GALNTL6: variants seen among roughly 807,000 people sequenced by gnomAD.
GALNTL6 encodes the protein polypeptide N-acetylgalactosaminyltransferase like 6.
A neutral mutation model predicts 73.7 loss-of-function variants in GALNTL6; 46 were observed. The observed-to-expected ratio is 0.62, with a 90% CI of 0.49 to 0.80. The LOEUF is 0.80. GALNTL6 is among the 30% of genes least tolerant of loss of function. GALNTL6 has a pLI of 0.00. For missense variants in GALNTL6, 604 were observed against 755.0 expected, an observed-to-expected ratio of 0.80 and a Z score of 2.34; for synonymous variants, 259 against 263.7, an observed-to-expected ratio of 0.98 and a Z score of 0.17.
At chr4:172,126,577 G>T (rs1733300467) in intron 2 of GALNTL6, among the ~76,000 whole-genome samples, 2 of 152,120 alleles carry the variant, frequency 1.3e-5, no homozygotes, top group African/African-American at 2.4e-5. Flanking sequence ...GTGGGCAAAG[G>T]GTAAGTGAGT....
At chr4:172,218,754 C>G (rs1736576541) in intron 2 of GALNTL6, among the ~76,000 whole-genome samples, 1 of 151,838 alleles carries the variant, frequency 6.6e-6, no homozygotes, top group Non-Finnish European at 1.5e-5. Context: ...ATTTTTTATA[C>G]TTTATTTCTA....
chr4:172,784,029 A>G (rs2110906658), intron 5 of GALNTL6, among the ~76,000 whole-genome samples: 1 of 152,232 alleles, frequency 6.6e-6, no homozygotes, highest in South Asian at 2.1e-4. Flanking sequence ...GTTGTCATAA[A>G]TCTGTCCTTA....
intron 7 of GALNTL6, among the ~76,000 whole-genome samples, chr4:172,864,962 C>G (rs1244985618): frequency 6.6e-6 from 1 of 152,068 alleles, no homozygotes; most frequent in Non-Finnish European, 1.5e-5. Context: ...GTCACTGTTA[C>G]AATTATAGTT....
chr4:172,044,930 T>C (rs1742177688), intron 2 of GALNTL6, among the ~76,000 whole-genome samples: 1 of 152,046 alleles, frequency 6.6e-6, no homozygotes, highest in Non-Finnish European at 1.5e-5. Flanking sequence ...TACAATATAT[T>C]TCAGTGGGTG....
chr4:172,651,426 A>G (rs1439784558), intron 5 of GALNTL6, among the ~76,000 whole-genome samples: 1 of 152,168 alleles, frequency 6.6e-6, no homozygotes, highest in Non-Finnish European at 1.5e-5. Flanking sequence ...GAAGGCAGGG[A>G]TTTTGCTCTG....
chr4:171,946,469 G>C (rs144160601), intron 2 of GALNTL6, among the ~76,000 whole-genome samples: 2 of 152,224 alleles, frequency 1.3e-5, no homozygotes, highest in East Asian at 3.9e-4. Context: ...GTTCACATCA[G>C]AAGACATAAA....
chr4:172,011,276 GAA>G (rs1740997307), intron 2 of GALNTL6, among the ~76,000 whole-genome samples: 1 of 152,074 alleles, frequency 6.6e-6, no homozygotes, highest in South Asian at 2.1e-4. Flanking sequence ...TCTGGAGACT[GAA>G]ATTTGCGGAG....
intron 3 of GALNTL6, among the ~76,000 whole-genome samples, chr4:172,277,016 A>G (rs768571388): frequency 1.3e-5 from 2 of 151,946 alleles, no homozygotes; most frequent in Non-Finnish European, 2.9e-5. Context: ...TTATATTGAC[A>G]TACTTGGATT....
At chr4:172,434,711 A>C (rs562234733) in intron 5 of GALNTL6, among the ~76,000 whole-genome samples, 43 of 152,276 alleles carry the variant, frequency 2.8e-4, no homozygotes, top group Non-Finnish European at 5.4e-4. Flanking sequence ...TGGTAATGGC[A>C]ATCACAAAGA....
chr4:172,912,807 A>C (rs1403109289), intron 8 of GALNTL6, among the ~76,000 whole-genome samples: 2 of 152,194 alleles, frequency 1.3e-5, no homozygotes, highest in Non-Finnish European at 2.9e-5. Context: ...AGCTGAACAA[A>C]AGGCAGCAGA....
chr4:172,006,614 C>A (rs1291635938), intron 2 of GALNTL6, among the ~76,000 whole-genome samples: 1 of 151,620 alleles, frequency 6.6e-6, no homozygotes, highest in Admixed American at 6.6e-5. Flanking sequence ...CAGAGTGAGA[C>A]CCTGTCCAAA....
At chr4:172,748,853 T>TA (rs1482852994) in intron 5 of GALNTL6, among the ~76,000 whole-genome samples, 8 of 152,190 alleles carry the variant, frequency 5.3e-5, no homozygotes, top group Non-Finnish European at 7.3e-5. Flanking sequence ...ACAGGTATTG[T>TA]ACTGCATGCA....
intron 3 of GALNTL6, among the ~76,000 whole-genome samples, chr4:172,255,694 G>A (rs1050200552): frequency 1.6e-4 from 24 of 151,384 alleles, no homozygotes; most frequent in African/African-American, 5.8e-4. Context: ...AACCTTAGCA[G>A]TGAGTCAATC....
intron 5 of GALNTL6, among the ~76,000 whole-genome samples, chr4:172,683,787 G>A (rs908623440): frequency 2.6e-5 from 4 of 152,122 alleles, no homozygotes; most frequent in African/African-American, 9.7e-5. Context: ...AGCAGACGGA[G>A]TTATTTTTCC....
chr4:171,918,281 A>T (rs1021425254), intron 2 of GALNTL6, among the ~76,000 whole-genome samples: 7 of 152,248 alleles, frequency 4.6e-5, no homozygotes, highest in Admixed American at 4.6e-4. Context: ...TATAAGTCTG[A>T]CATGTACTCT....
rs577767890 is a variant in GALNTL6 at position 172,207,025 on chromosome 4, G to A, written c.139-22631G>A. Among the ~76,000 whole-genome samples the A allele has an allele frequency of 2.3e-4, 35 of 151,168 alleles. 1 individual carries two copies. In the South Asian group the frequency reaches 7.1e-3, roughly 31 times the overall value. On this transcript the variant is annotated intron_variant, in intron 2 of 12. Transcript: ENST00000506823. ...GTAGAGGCGGGGTTTCACCATGTTA[G>A]CCAGGATGATCTCAATCTCCTGACC...
chr4:171,960,638 T>A (rs1739193496), intron 2 of GALNTL6, among the ~76,000 whole-genome samples: 1 of 143,000 alleles, frequency 7.0e-6, no homozygotes, highest in Non-Finnish European at 1.5e-5. Flanking sequence ...ACAAATAAAA[T>A]GTATATATAA....
chr4:172,232,534 A>G (rs1267638994), intron 3 of GALNTL6, among the ~76,000 whole-genome samples: 1 of 152,062 alleles, frequency 6.6e-6, no homozygotes, highest in Non-Finnish European at 1.5e-5. Flanking sequence ...TAGGGACAAT[A>G]TTAAGGTACA....
At chr4:172,632,156 T>C (rs1739422817) in intron 5 of GALNTL6, among the ~76,000 whole-genome samples, 1 of 152,228 alleles carries the variant, frequency 6.6e-6, no homozygotes, top group African/African-American at 2.4e-5. Context: ...CTCAGGTATG[T>C]CTTTATTAGC....
Sources: gnomAD v4.1 joint callset for allele counts (sites outside exome capture counted in the v4.1 genomes callset) on GRCh38, gnomAD v4.1.1 for gene constraint, MANE v1.5 for transcripts, NCBI Gene and HGNC (gene_info 2026-07-23, HGNC 2026-07-21) for gene names.